The following DSCAM variants were observed in gnomAD, a reference collection of about 807,000 sequenced individuals.
DSCAM encodes the protein DS cell adhesion molecule.
In DSCAM, 47 loss-of-function variants were observed where a neutral mutation model predicts 217.7. That is an observed-to-expected ratio of 0.22 (90% CI 0.17 to 0.28). DSCAM has a LOEUF of 0.28. Among genes scored for constraint, DSCAM ranks in the 10% least tolerant of loss-of-function variants. The pLI is 1.00. For missense variants in DSCAM, 2,080 were observed against 2,618.3 expected, an observed-to-expected ratio of 0.79 and a Z score of 4.49; for synonymous variants, 1,056 against 1,015.3, an observed-to-expected ratio of 1.04 and a Z score of -0.76.
chr21:40,699,813 T>C (rs1397702832), intron 2 of DSCAM, among the ~76,000 whole-genome samples: 2 of 152,182 alleles, frequency 1.3e-5, no homozygotes, highest in African/African-American at 4.8e-5. Context: ...CTTTATAACA[T>C]ACAAATGCAT....
chr21:40,652,711 A>G (rs578222114), intron 3 of DSCAM, among the ~76,000 whole-genome samples: 1 of 152,194 alleles, frequency 6.6e-6, no homozygotes, highest in South Asian at 2.1e-4. Context: ...CTTGCCCTTG[A>G]CTGACTCCTA....
chr21:40,805,742 T>C (rs13052643), intron 1 of DSCAM, among the ~76,000 whole-genome samples: 67,290 of 150,940 alleles, frequency 0.45, 17,119 homozygotes, highest in African/African-American at 0.71. Context: ...GGAGTCTTGC[T>C]CTGTCACCCA....
intron 3 of DSCAM, among the ~76,000 whole-genome samples, chr21:40,588,134 TAC>T (rs1325263357): frequency 1.3e-5 from 2 of 152,158 alleles, no homozygotes; most frequent in African/African-American, 4.8e-5. Flanking sequence ...GACTCAGGAT[TAC>T]AGCCACAGAC....
chr21:40,487,375 A>G (rs932271293), intron 3 of DSCAM, among the ~76,000 whole-genome samples: 2 of 151,394 alleles, frequency 1.3e-5, no homozygotes, highest in South Asian at 2.1e-4. Flanking sequence ...GCTCACACGT[A>G]GAGGGTAAGC....
At chr21:40,042,343 C>A (rs370024473) in intron 32 of DSCAM, 28 bp downstream of exon 32, 6 of 1,604,420 alleles carry the variant, frequency 3.7e-6, no homozygotes, top group Non-Finnish European at 5.1e-6. Flanking sequence ...CCCTAAGCGA[C>A]GGCCCCCAGG....
chr21:40,149,185 C>G (rs550155070), intron 16 of DSCAM, among the ~76,000 whole-genome samples: 1 of 152,128 alleles, frequency 6.6e-6, no homozygotes, highest in East Asian at 1.9e-4. Flanking sequence ...ATTCCAACAC[C>G]AACATTGCCA....
At chr21:40,839,038 G>C (rs1283999971) in intron 1 of DSCAM, among the ~76,000 whole-genome samples, 1 of 152,108 alleles carries the variant, frequency 6.6e-6, no homozygotes, top group Admixed American at 6.5e-5. Flanking sequence ...TAAGGAACCT[G>C]GGGGACATTA....
chr21:40,164,601 C>A (rs545219697), intron 16 of DSCAM, among the ~76,000 whole-genome samples: 17 of 152,138 alleles, frequency 1.1e-4, no homozygotes, highest in African/African-American at 3.1e-4. Flanking sequence ...AGTTCAAGAC[C>A]AGCCTGGCCA....
At chr21:40,134,040 C>T in intron 18 of DSCAM, 31 bp from the exon 19 acceptor site, 1 of 1,587,888 alleles carries the variant, frequency 6.3e-7, no homozygotes, top group South Asian at 1.2e-5. Flanking sequence ...AACAAAATCC[C>T]ACTTCTGAGC....
intron 10 of DSCAM, among the ~76,000 whole-genome samples, chr21:40,287,757 A>G (rs1006544459): frequency 1.3e-5 from 2 of 152,118 alleles, no homozygotes; most frequent in Non-Finnish European, 2.9e-5. Flanking sequence ...CCCTAGTGGT[A>G]AGGGACAGCC....
At chr21:40,427,346 C>G (rs1355940646) in intron 3 of DSCAM, among the ~76,000 whole-genome samples, 1 of 152,202 alleles carries the variant, frequency 6.6e-6, no homozygotes, top group African/African-American at 2.4e-5. Context: ...TGTGTCCCAG[C>G]TGACCATGGC....
chr21:40,465,709 A>T (rs2075839195), intron 3 of DSCAM, among the ~76,000 whole-genome samples: 2 of 152,164 alleles, frequency 1.3e-5, no homozygotes, highest in African/African-American at 4.8e-5. Flanking sequence ...GTGGCCCAAG[A>T]CAATTCTTCT....
chr21:40,839,636 C>CT (rs368562031), intron 1 of DSCAM, among the ~76,000 whole-genome samples: 3,377 of 148,542 alleles, frequency 0.023, 106 homozygotes, highest in African/African-American at 0.075. Flanking sequence ...GGTTGGTATG[C>CT]TTTTTTTTTT....
chr21:40,294,252 A>G (rs899909495), intron 10 of DSCAM, among the ~76,000 whole-genome samples: 1 of 152,256 alleles, frequency 6.6e-6, no homozygotes, highest in Non-Finnish European at 1.5e-5. Context: ...AATAAATAAG[A>G]CATAGAGATA....
chr21:40,534,165 A>G (rs2076476708), intron 3 of DSCAM, among the ~76,000 whole-genome samples: 1 of 152,206 alleles, frequency 6.6e-6, no homozygotes, highest in Admixed American at 6.5e-5. Context: ...CCCAGGTTAG[A>G]GTATGTGAAA....
At position 40,131,792 on chromosome 21, in the gene DSCAM, G is replaced by T. The variant is rs1172581071; in HGVS notation, c.3562+2062C>A. Among the ~76,000 whole-genome samples the T allele has an allele frequency of 2.0e-5, 3 of 152,110 alleles. No homozygotes were observed. The East Asian group carries it at 5.8e-4, about 29-fold the overall frequency. On this transcript the variant is annotated intron_variant, in intron 19 of 32. Transcript: ENST00000400454. Reference sequence around the variant, plus strand: ...TCATGGCATCTTCCTTGGGGTAACTGGGGTACCCAAGGCAGGGTTTTCGAT... The same window carrying T: ...TCATGGCATCTTCCTTGGGGTAACTTGGGTACCCAAGGCAGGGTTTTCGAT...
chr21:40,772,096 A>G lies in DSCAM; in HGVS notation c.44-63325T>C, dbSNP rs551665704. On this transcript the variant is annotated intron_variant, in intron 1 of 32. Transcript: ENST00000400454. ...ATAATAAGGGCTGATAAAATGTGCT[A>G]TTGTGTCAACACATACTTCTAGCTT... Among the ~76,000 whole-genome samples, 3 of 152,342 alleles carry G rather than the reference A, an allele frequency of 2.0e-5. No homozygotes were observed. The South Asian group carries it at 6.2e-4, about 32-fold the overall frequency.
intron 3 of DSCAM, among the ~76,000 whole-genome samples, chr21:40,676,044 G>T (rs767292535): frequency 1.4e-4 from 21 of 152,114 alleles, no homozygotes; most frequent in Admixed American, 2.6e-4. Flanking sequence ...TTTATAAACT[G>T]ATCAATAACT....
intron 11 of DSCAM, among the ~76,000 whole-genome samples, chr21:40,255,435 G>T (rs2837539): frequency 6.6e-6 from 1 of 152,108 alleles, no homozygotes; most frequent in Non-Finnish European, 1.5e-5. Context: ...GCAGAATAAT[G>T]GTGCTTCAAA....
Sources: allele counts gnomAD v4.1 joint callset (sites outside exome capture counted in the v4.1 genomes callset), GRCh38; gene constraint gnomAD v4.1.1; transcripts MANE v1.5; gene names NCBI Gene and HGNC (gene_info 2026-07-23, HGNC 2026-07-21).